The following RPRD1B variants were observed in gnomAD, a reference collection of about 807,000 sequenced individuals.
The protein encoded by RPRD1B is regulation of nuclear pre-mRNA domain containing 1B, also known as regulation of nuclear pre-mRNA domain-containing protein 1B.
Under a neutral mutation model 41.5 loss-of-function variants are expected in RPRD1B, and 11 were observed. That is an observed-to-expected ratio of 0.27 (90% confidence interval 0.17 to 0.44). RPRD1B has a LOEUF of 0.44. RPRD1B is among the 20% of genes least tolerant of loss of function. The pLI is 1.00. For missense variants in RPRD1B, 248 were observed against 389.9 expected, an observed-to-expected ratio of 0.64 and a Z score of 3.06; for synonymous variants, 158 against 155.6, an observed-to-expected ratio of 1.02 and a Z score of -0.12.
intron 6 of RPRD1B, among the ~76,000 whole-genome samples, chr20:38,067,299 T>C (rs1412216524): frequency 8.0e-5 from 12 of 149,700 alleles, no homozygotes; most frequent in Admixed American, 7.9e-4. Flanking sequence ...GAATGTCTGC[T>C]CTTCTTTTTT....
intron 6 of RPRD1B, among the ~76,000 whole-genome samples, chr20:38,067,916 T>G: frequency 6.6e-6 from 1 of 152,264 alleles, no homozygotes; most frequent in Admixed American, 6.5e-5. Flanking sequence ...TTCTCTGATC[T>G]GTCAGACATT....
At chr20:38,058,257 G>T (rs185748812) in intron 4 of RPRD1B, among the ~76,000 whole-genome samples, 47 of 151,198 alleles carry the variant, frequency 3.1e-4, no homozygotes, top group Middle Eastern at 3.4e-3. Flanking sequence ...AGGCGGGGGC[G>T]GGGGGGGCTT....
chr20:38,077,478 TC>T (rs1353822686), intron 6 of RPRD1B, among the ~76,000 whole-genome samples: 1 of 152,114 alleles, frequency 6.6e-6, no homozygotes, highest in East Asian at 1.9e-4. Flanking sequence ...CCAGTGTTTC[TC>T]CTGATTTTTT....
intron 3 of RPRD1B, 125 bp downstream of exon 3, chr20:38,048,606 A>T (rs1201985263): frequency 6.9e-7 from 1 of 1,451,404 alleles, no homozygotes; most frequent in Non-Finnish European, 9.1e-7. Context: ...GAGACAGATG[A>T]TCATGAATGA....
chr20:38,048,221 CTTATT>C, intron 2 of RPRD1B, 122 bp from the exon 3 acceptor site: 1 of 960,940 alleles, frequency 1.0e-6, no homozygotes, highest in Non-Finnish European at 1.5e-6. Flanking sequence ...CAATATGTAC[CTTATT>C]TGGTTTTAAA....
chr20:38,074,576 G>A (rs1568659621), intron 6 of RPRD1B, among the ~76,000 whole-genome samples: 1 of 152,170 alleles, frequency 6.6e-6, no homozygotes, highest in Non-Finnish European at 1.5e-5. Context: ...TCTGTGGGCA[G>A]TGTAACCCCT....
chr20:38,039,407 C>CTTTTTTTTTTTT (rs1165738530), intron 1 of RPRD1B, among the ~76,000 whole-genome samples: 2 of 141,720 alleles, frequency 1.4e-5, no homozygotes, highest in African/African-American at 5.2e-5. Flanking sequence ...TACAAGAAAC[C>CTTTTTTTTTTTT]TTTTTTTTTT....
intron 6 of RPRD1B, among the ~76,000 whole-genome samples, chr20:38,080,535 A>T (rs1025550844): frequency 3.3e-5 from 5 of 151,908 alleles, no homozygotes; most frequent in South Asian, 2.1e-4. Context: ...TTATTTATTT[A>T]TTTTTTTGAG....
chr20:38,039,964 C>T (rs2074048590), intron 1 of RPRD1B, among the ~76,000 whole-genome samples: 1 of 152,092 alleles, frequency 6.6e-6, no homozygotes, highest in African/African-American at 2.4e-5. Flanking sequence ...AAACTCCTGA[C>T]CTCAAATGAT....
At chr20:38,045,823 C>G (rs1010217889) in intron 2 of RPRD1B, among the ~76,000 whole-genome samples, 1 of 152,236 alleles carries the variant, frequency 6.6e-6, no homozygotes, top group African/African-American at 2.4e-5. Context: ...AGTTCATTAA[C>G]TAAGTTCTGA....
At chr20:38,081,365 T>C (rs1018624390) in intron 6 of RPRD1B, among the ~76,000 whole-genome samples, 3 of 152,330 alleles carry the variant, frequency 2.0e-5, no homozygotes, top group East Asian at 1.9e-4. Context: ...TTGGACATTA[T>C]TGGTCTATAG....
intron 3 of RPRD1B, among the ~76,000 whole-genome samples, chr20:38,055,678 T>C (rs1376102533): frequency 6.6e-6 from 1 of 152,224 alleles, no homozygotes; most frequent in Non-Finnish European, 1.5e-5. Context: ...AGTTTCTTTG[T>C]TCCACATTTG....
At chr20:38,038,490 GTTTTTTTT>G (rs150397040) in intron 1 of RPRD1B, among the ~76,000 whole-genome samples, 1 of 76,788 alleles carries the variant, frequency 1.3e-5, no homozygotes. Context: ...TTTTTGTTTT[GTTTTTTTT>G]TTTTTTTTTT....
At chr20:38,065,018 G>C (rs2074340078) in intron 5 of RPRD1B, among the ~76,000 whole-genome samples, 1 of 151,772 alleles carries the variant, frequency 6.6e-6, no homozygotes, top group Non-Finnish European at 1.5e-5. Flanking sequence ...ATAGAAGATA[G>C]AGCACACATA....
chr20:38,041,790 C>T (rs1938300863), intron 2 of RPRD1B, among the ~76,000 whole-genome samples: 1 of 152,192 alleles, frequency 6.6e-6, no homozygotes, highest in Admixed American at 6.5e-5. Context: ...CACTCCCCCT[C>T]ATAAGAGTTG....
chr20:38,080,895 C>T (rs1469623079), intron 6 of RPRD1B, among the ~76,000 whole-genome samples: 1 of 152,166 alleles, frequency 6.6e-6, no homozygotes, highest in Non-Finnish European at 1.5e-5. Context: ...GTACCATTTC[C>T]ATGCTGTTTT....
chr20:38,052,676 G>C (rs1299923665), intron 3 of RPRD1B, among the ~76,000 whole-genome samples: 1 of 149,620 alleles, frequency 6.7e-6, no homozygotes, highest in Non-Finnish European at 1.5e-5. Context: ...AGTGGGAGTA[G>C]AGAAGGAACA....
chr20:38,033,789 G>A lies in RPRD1B; in HGVS notation c.-159G>A. 1 of 680,964 alleles carries A rather than the reference G, an allele frequency of 1.5e-6. No homozygotes were observed. Among genetic ancestry groups the A allele is most frequent in the Non-Finnish European group, 2.4e-6 (1 of 421,316 alleles). The allele number at this position is 680,964 out of a possible 1,614,324, so 42.2% of individuals were successfully genotyped here. A position where few individuals can be genotyped will look rare whatever the true frequency, so the allele number is the denominator to read the frequency against. On this transcript the variant is annotated 5_prime_UTR_variant, in exon 1 of 7. Transcript: ENST00000373433. ...GGCGGCGGCGCGGGCGGCTGTTACT[G>A]CGGAGACCCATCCCCTCCCCCTTCT...
chr20:38,086,758 G>A (rs984176437), intron 6 of RPRD1B, among the ~76,000 whole-genome samples: 2 of 152,188 alleles, frequency 1.3e-5, no homozygotes, highest in Non-Finnish European at 2.9e-5. Flanking sequence ...GTCACCCAGT[G>A]GCATCAAGAG....
Sources: allele counts gnomAD v4.1 joint callset (sites outside exome capture counted in the v4.1 genomes callset), GRCh38; gene constraint gnomAD v4.1.1; transcripts MANE v1.5; gene names NCBI Gene and HGNC (gene_info 2026-07-23, HGNC 2026-07-21).